MED19: variants seen among roughly 807,000 people sequenced by gnomAD.
MED19 encodes the protein mediator complex subunit 19, also known as mediator of RNA polymerase II transcription subunit 19.
In MED19, 4 loss-of-function variants were observed where a neutral mutation model predicts 19.9. The ratio of observed to expected loss-of-function variants is 0.20; its 90% CI spans 0.10 to 0.46. The LOEUF (loss-of-function observed/expected upper bound fraction) is 0.46, where lower values mean the gene tolerates loss of function less well. Ranked by LOEUF, MED19 falls within the 20% of genes least tolerant of loss-of-function variation. The pLI, the probability that MED19 is intolerant of heterozygous loss-of-function variation, is 0.99. For synonymous variants in MED19, 139 were observed against 119.6 expected, an observed-to-expected ratio of 1.16 and a Z score of -1.06; for missense variants, 303 against 318.7, an observed-to-expected ratio of 0.95 and a Z score of 0.38.
At chr11:57,708,020 A>G (rs1946527533) in intron 1 of MED19, among the ~76,000 whole-genome samples, 1 of 151,900 alleles carries the variant, frequency 6.6e-6, no homozygotes, top group African/African-American at 2.4e-5. Context: ...TTTTGTAGAG[A>G]CAGGGGTCTC....
chr11:57,704,929 T>C, intron 2 of MED19, 44 bp downstream of exon 2: 1 of 1,604,766 alleles, frequency 6.2e-7, no homozygotes, highest in Non-Finnish European at 8.5e-7. Flanking sequence ...ACCATCTCCA[T>C]GTTTAGGCCT....
intron 1 of MED19, 143 bp downstream of exon 1, chr11:57,711,820 A>G: frequency 1.1e-6 from 1 of 870,678 alleles, no homozygotes; most frequent in African/African-American, 1.8e-5. Context: ...TGTGAATCCT[A>G]ACAGCGCTTC....
Position 57,704,958 on chromosome 11 carries a change from T to A in MED19, c.474+15A>T, listed in dbSNP as rs1946490601. On this transcript the variant is annotated intron_variant, in intron 2 of 4. Transcript: ENST00000431606. ...TAGGCCTCCCCATTTGCCTTCTTCC[T>A]CCAACAGGACTCACCGGGCCAGTGT... is the stretch of plus-strand genomic sequence containing the variant. 5 of 1,609,216 alleles carry A rather than the reference T, an allele frequency of 3.1e-6. No homozygotes were observed. Among genetic ancestry groups the A allele is most frequent in the Middle Eastern group, 1.7e-4 (1 of 5,834 alleles).
At position 57,712,174 on chromosome 11, in the gene MED19, C is replaced by T. The variant is rs971696895; in HGVS notation, c.6G>A (p.Glu2=). 2.6e-6 allele frequency: 4 copies of T among 1,523,672 alleles called. No homozygotes were observed. The African/African-American group carries it at 5.6e-5, about 21-fold the overall frequency. The allele number at this position is 1,523,672 out of a possible 1,614,324, so 94.4% of individuals were successfully genotyped here. A position where few individuals can be genotyped will look rare whatever the true frequency, so the allele number is the denominator to read the frequency against. Residue 2 remains glutamate, a synonymous_variant, in exon 1 of 5, where the codon GAG becomes GAA. Transcript: ENST00000431606. ...GAGCCCCAAACAGTGCCGTGAAATT[C>T]TCCATCGTACCCTCCGCCCCGGCGC...
At chr11:57,705,329 A>C in intron 1 of MED19, 100 bp from the exon 2 acceptor site, 1 of 1,320,896 alleles carries the variant, frequency 7.6e-7, no homozygotes, top group Non-Finnish European at 1.0e-6. Context: ...TTTTAAGTGC[A>C]GATTTTAAAA....
exon 3 of MED19, chr11:57,704,765 A>ATTC (rs759855539): frequency 6.4e-7 from 1 of 1,557,570 alleles, no homozygotes; most frequent in African/African-American, 1.6e-5. Flanking sequence ...GCTTGTGCTT[A>ATTC]TTCTTCTTCT....
intron 3 of MED19, 26 bp downstream of exon 3, chr11:57,704,693 T>TTTCTTTTAATAGAAC: frequency 6.4e-7 from 1 of 1,573,764 alleles, no homozygotes; most frequent in Non-Finnish European, 8.6e-7. Flanking sequence ...TTTTTTTTTT[T>TTTCTTTTAATAGAAC]TGCTTTGAAT....
At chr11:57,708,805 A>C (rs1056806903) in intron 1 of MED19, among the ~76,000 whole-genome samples, 3 of 152,204 alleles carry the variant, frequency 2.0e-5, no homozygotes, top group African/African-American at 4.8e-5. Context: ...TGACTGATAC[A>C]AATAGCTACA....
exon 1 of MED19, chr11:57,712,082 G>T: frequency 6.6e-7 from 1 of 1,526,150 alleles, no homozygotes; most frequent in South Asian, 1.2e-5. Flanking sequence ...CGCAGGAGGC[G>T]GTGGCGGGGG....
rs1946482784 is a variant in MED19, at chr11:57,704,410, T to G, written c.572-14A>C. The G allele has an allele frequency of 2.6e-6, 4 of 1,536,842 alleles. No homozygotes were observed. The highest frequency in any genetic ancestry group is 3.5e-6 in the Non-Finnish European group (4 of 1,145,874). On this transcript the variant is annotated splice_polypyrimidine_tract_variant and intron_variant, in intron 3 of 4. Transcript: ENST00000431606. Reference sequence around the variant, plus strand: ...CAGATGGTGTTTCTGTAGGAGACATTAGGTACCTATCACCTGTAAAGCTCA... The same window carrying G: ...CAGATGGTGTTTCTGTAGGAGACATGAGGTACCTATCACCTGTAAAGCTCA...
chr11:57,703,772 C>T (rs184384363), exon 5 of MED19: 10 of 416,528 alleles, frequency 2.4e-5, no homozygotes, highest in Non-Finnish European at 3.8e-5. Context: ...CTAAATCAGA[C>T]AAATTGCACA....
intron 1 of MED19, among the ~76,000 whole-genome samples, chr11:57,711,302 A>C (rs1946591205): frequency 6.6e-6 from 1 of 152,212 alleles, no homozygotes; most frequent in Non-Finnish European, 1.5e-5. Context: ...CTGTAACTAA[A>C]ACTTTGGGTC....
At chr11:57,704,680 T>TG in intron 3 of MED19, 39 bp downstream of exon 3, 3 of 1,557,634 alleles carry the variant, frequency 1.9e-6, no homozygotes, top group Non-Finnish European at 2.6e-6. Context: ...TTTTTTTTTT[T>TG]TTTTTTTTTT....
At chr11:57,709,283 A>C (rs1451967147) in intron 1 of MED19, among the ~76,000 whole-genome samples, 1 of 150,498 alleles carries the variant, frequency 6.6e-6, no homozygotes, top group Non-Finnish European at 1.5e-5. Flanking sequence ...CGGGAGGCTG[A>C]GGCAGGAGAA....
chr11:57,705,081 A>T lies in MED19; in HGVS notation c.366T>A (p.His122Gln), dbSNP rs573096323. Reference sequence around the variant, plus strand: ...TGAGAGAGCGGAGGCTGCTGTTATCATGGGAACCAGGCAGATCAATCATCC... The same window carrying T: ...TGAGAGAGCGGAGGCTGCTGTTATCTTGGGAACCAGGCAGATCAATCATCC... Residue 122 changes from histidine to glutamine, a missense_variant, in exon 2 of 5, where the codon CAT becomes CAA. His to Gln is a conservative substitution (Grantham distance 24). Transcript: ENST00000431606. 5 of 1,614,160 alleles carry T rather than the reference A, an allele frequency of 3.1e-6. No individual in the cohort carries two copies. In the Admixed American group the frequency reaches 8.3e-5, roughly 27 times the overall value.
chr11:57,710,901 C>A (rs978772204), intron 1 of MED19, among the ~76,000 whole-genome samples: 1 of 152,126 alleles, frequency 6.6e-6, no homozygotes, highest in African/African-American at 2.4e-5. Context: ...CGCCATGTTG[C>A]CCATGCTGGT....
intron 3 of MED19, 101 bp downstream of exon 3, chr11:57,704,618 G>A (rs1182621694): frequency 1.9e-6 from 3 of 1,602,070 alleles, no homozygotes; most frequent in Non-Finnish European, 2.6e-6. Flanking sequence ...GCTCCATACG[G>A]AACTTAACTG....
chr11:57,704,707 ACTG>A lies in MED19; in HGVS notation c.571+9_571+11del. The A allele has an allele frequency of 6.4e-7, 1 of 1,556,576 alleles. No individual in the cohort carries two copies. Among genetic ancestry groups the A allele is most frequent in the Non-Finnish European group, 8.7e-7 (1 of 1,148,078 alleles). ...TTTTTTTTTTTTTGCTTTGAATAGA[ACTG>A]CTTCTTACCTGGGGGGACAGGATCC... On this transcript the variant is annotated intron_variant, in intron 3 of 4. Transcript: ENST00000431606.
In MED19 at chr11:57,704,294, T is replaced by G; in HGVS notation, c.666+8A>C. 1 of 1,534,150 alleles carries G rather than the reference T, an allele frequency of 6.5e-7. No homozygotes were observed. The highest frequency in any genetic ancestry group is 8.7e-7 in the Non-Finnish European group (1 of 1,146,510). ...TCACTGGGTTGTGGCAATAGGCCTC[T>G]ACTCTACCTTCTTTTTCTTCTTCTC... On this transcript the variant is annotated splice_region_variant and intron_variant, in intron 4 of 4. Transcript: ENST00000431606.
Sources: gnomAD v4.1 joint callset for allele counts (sites outside exome capture counted in the v4.1 genomes callset) on GRCh38, gnomAD v4.1.1 for gene constraint, MANE v1.5 for transcripts, NCBI Gene and HGNC (gene_info 2026-07-23, HGNC 2026-07-21) for gene names.